RAB11FIP3: variants seen among roughly 807,000 people sequenced by gnomAD.
RAB11FIP3 encodes RAB11 family interacting protein 3, also known as rab11 family-interacting protein 3.
Under a neutral mutation model 77.8 loss-of-function variants are expected in RAB11FIP3, and 17 were observed. The ratio of observed to expected loss-of-function variants is 0.22; its 90% CI spans 0.15 to 0.33. The LOEUF (loss-of-function observed/expected upper bound fraction) is 0.33. Ranked by LOEUF, RAB11FIP3 falls within the 10% of genes least tolerant of loss-of-function variation. The pLI is 1.00. For missense variants in RAB11FIP3, 1,005 were observed against 1,011.2 expected, an observed-to-expected ratio of 0.99 and a Z score of 0.08; for synonymous variants, 437 against 448.2, an observed-to-expected ratio of 0.98 and a Z score of 0.31.
Position 426,541 on chromosome 16 carries a change from G to T in RAB11FIP3, c.535G>T (p.Gly179Trp). The T allele has an allele frequency of 1.3e-6, 2 of 1,569,292 alleles. No homozygotes were observed. The highest frequency in any genetic ancestry group is 2.4e-5 in the East Asian group (1 of 42,100). ...AGELALEQGP[G>W]SPPQPSDLSQ... is the part of the protein sequence containing the mutation. ...CGAGCTGGCGCTGGAGCAAGGTCCC[G>T]GGTCCCCGCCGCAGCCCTCGGACCT... is the stretch of plus-strand genomic sequence containing the variant. The change falls in exon 1 of 14, where the codon GGG becomes TGG. Residue 179 changes from glycine (G) to tryptophan (W), a missense_variant. By Grantham distance (184) the Gly-to-Trp change is radical. This residue lies in a region of RAB11FIP3 where 466 missense variants were observed against 408.3 expected (regional missense o/e 1.14). Transcript: ENST00000262305. This position sits in a 1 kb window ranked among gnomAD's most constrained non-coding sequence, Gnocchi z 5.0.
chr16:458,719 CATTT>C, intron 1 of RAB11FIP3, among the ~76,000 whole-genome samples: 1 of 151,208 alleles, frequency 6.6e-6, no homozygotes, highest in Non-Finnish European at 1.5e-5. Context: ...TGTCCCTGAG[CATTT>C]TCACAGTCCA....
rs566263737 is a variant in RAB11FIP3, at chr16:427,320, T to C, written c.714+600T>C. Among the ~76,000 whole-genome samples, 107 of 152,346 alleles carry C rather than the reference T, an allele frequency of 7.0e-4. 1 individual carries two copies. The highest frequency in any genetic ancestry group is 2.5e-3 in the African/African-American group (103 of 41,592). Reference sequence around the variant, plus strand: ...TTAAGAATTTTTACTTTGGTGCCTTTGGGGAGGAAGGCAATGAGCCTCGGA... The same window carrying C: ...TTAAGAATTTTTACTTTGGTGCCTTCGGGGAGGAAGGCAATGAGCCTCGGA... On this transcript the variant is annotated intron_variant, in intron 1 of 13. Transcript: ENST00000262305.
chr16:457,105 A>G (rs2055516910), intron 1 of RAB11FIP3, among the ~76,000 whole-genome samples: 1 of 152,144 alleles, frequency 6.6e-6, no homozygotes, highest in Non-Finnish European at 1.5e-5. Context: ...TTCAAGTATG[A>G]TAGTAACAAC....
chr16:500,687 CAAAAAAAAAAAAA>C (rs56771770), intron 6 of RAB11FIP3, among the ~76,000 whole-genome samples: 1 of 22,306 alleles, frequency 4.5e-5, no homozygotes, highest in Non-Finnish European at 7.2e-5. Context: ...GACTCTGTCG[CAAAAAAAAAAAAA>C]AAAAAAAAAA....
chr16:442,809 A>G (rs1474458801), intron 1 of RAB11FIP3, among the ~76,000 whole-genome samples: 2 of 152,210 alleles, frequency 1.3e-5, no homozygotes, highest in Non-Finnish European at 2.9e-5. Context: ...TGAGGGTCAC[A>G]ACAGGCTCCG....
intron 1 of RAB11FIP3, among the ~76,000 whole-genome samples, chr16:433,967 G>A (rs1230025169): frequency 6.6e-6 from 1 of 152,030 alleles, no homozygotes; most frequent in Non-Finnish European, 1.5e-5. Flanking sequence ...TGAGAACAGT[G>A]CTGCAGTAAA....
intron 6 of RAB11FIP3, 63 bp downstream of exon 6, chr16:496,922 T>A (rs1304282776): frequency 3.5e-6 from 5 of 1,446,086 alleles, no homozygotes; most frequent in Non-Finnish European, 4.8e-6. Context: ...CATAGTTTTT[T>A]AAAAAACATT....
At chr16:464,757 G>A (rs760618391) in intron 2 of RAB11FIP3, among the ~76,000 whole-genome samples, 3 of 152,190 alleles carry the variant, frequency 2.0e-5, no homozygotes, top group Non-Finnish European at 4.4e-5. Flanking sequence ...GTTGAGCATT[G>A]TGGCGTATGC....
intron 3 of RAB11FIP3, among the ~76,000 whole-genome samples, chr16:481,542 G>C (rs2056043241): frequency 1.3e-5 from 2 of 151,816 alleles, no homozygotes; most frequent in African/African-American, 4.8e-5. Flanking sequence ...CAAAAAGCAA[G>C]CTCCTCCGTC....
intron 2 of RAB11FIP3, among the ~76,000 whole-genome samples, chr16:470,805 A>G (rs893394985): frequency 6.6e-6 from 1 of 152,224 alleles, no homozygotes; most frequent in Non-Finnish European, 1.5e-5. Context: ...AAGCAAAAAA[A>G]GAAAATAAAA....
At chr16:435,183 C>T (rs1451096161) in intron 1 of RAB11FIP3, among the ~76,000 whole-genome samples, 4 of 146,160 alleles carry the variant, frequency 2.7e-5, no homozygotes, top group South Asian at 2.2e-4. Flanking sequence ...CCAGCCTGGG[C>T]GACAGAGCGA....
chr16:471,291 G>A lies in RAB11FIP3; in HGVS notation c.809-4G>A. ...CTGTTGAGCACGAGGTCTTCTCCCT[G>A]CAGATCCTGATGGCCAGTGCTACGG... On this transcript the variant is annotated splice_polypyrimidine_tract_variant and splice_region_variant and intron_variant, in intron 2 of 13. Transcript: ENST00000262305. The surrounding 1 kb of genome is among the most constrained non-coding windows in gnomAD (Gnocchi z 4.4). 1 of 1,612,876 alleles carries A rather than the reference G, an allele frequency of 6.2e-7. No individual in the cohort carries two copies. Among genetic ancestry groups the A allele is most frequent in the South Asian group, 1.1e-5 (1 of 91,016 alleles).
In RAB11FIP3 at chr16:471,443, T is replaced by G. The variant is rs2055806618; in HGVS notation, c.903+54T>G. ...GGAAGTCTGGCATCCACCTCTTCCT[T>G]TATGCCCTACAGCTCGTGCCTCCTG... is the stretch of plus-strand genomic sequence containing the variant. On this transcript the variant is annotated intron_variant, in intron 3 of 13. Transcript: ENST00000262305. This position sits in a 1 kb window ranked among gnomAD's most constrained non-coding sequence, Gnocchi z 4.4. 1.4e-6 allele frequency: 2 copies of G among 1,424,936 alleles called. No homozygotes were observed. The highest frequency in any genetic ancestry group is 2.0e-6 in the Non-Finnish European group (2 of 1,024,992). 88.3% of individuals were successfully genotyped at this position (1,424,936 alleles called of 1,614,324 possible).
At chr16:437,901 C>T (rs1194755319) in intron 1 of RAB11FIP3, among the ~76,000 whole-genome samples, 3 of 151,482 alleles carry the variant, frequency 2.0e-5, no homozygotes, top group Non-Finnish European at 2.9e-5. Flanking sequence ...CCTCTGCCTC[C>T]TGGGTTCAAG....
intron 1 of RAB11FIP3, among the ~76,000 whole-genome samples, chr16:441,016 C>T (rs1259151490): frequency 1.2e-4 from 18 of 152,128 alleles, no homozygotes; most frequent in Non-Finnish European, 1.8e-4. Flanking sequence ...TCTCGGCTCA[C>T]TGCAACCTCC....
intron 6 of RAB11FIP3, among the ~76,000 whole-genome samples, chr16:498,276 C>G (rs1017985518): frequency 2.0e-5 from 3 of 152,198 alleles, no homozygotes; most frequent in Non-Finnish European, 4.4e-5. Context: ...CAGGCTCACT[C>G]CATCCTCCCA....
In RAB11FIP3 at chr16:506,359, C is replaced by T. The variant is rs2031875432; in HGVS notation, c.1499+732C>T. On this transcript the variant is annotated intron_variant, in intron 8 of 13. Transcript: ENST00000262305. The surrounding 1 kb of genome is among the most constrained non-coding windows in gnomAD (Gnocchi z 4.5). ...ACCTGTAGCTGGGCACCGGCAGCCT[C>T]TTGTGGGCAGAGGAGGCAGCCAGGA... Among the ~76,000 whole-genome samples the T allele has an allele frequency of 6.6e-6, 1 of 152,184 alleles. No homozygotes were observed. The highest frequency in any genetic ancestry group is 2.4e-5 in the African/African-American group (1 of 41,454).
intron 1 of RAB11FIP3, among the ~76,000 whole-genome samples, chr16:433,468 C>G (rs2055073883): frequency 6.6e-6 from 1 of 151,910 alleles, no homozygotes. Context: ...TTGTCTTTCT[C>G]TGCCTGTCTT....
chr16:514,912 T>C lies in RAB11FIP3; in HGVS notation c.1641-4031T>C, dbSNP rs541953332. 2.3e-4 allele frequency among the ~76,000 whole-genome samples: 35 copies of C among 152,256 alleles called. No individual in the cohort carries two copies. Among genetic ancestry groups the C allele is most frequent in the Middle Eastern group, 6.8e-3 (2 of 294 alleles). ...GAACTGGGTGAACGTGGCCCTGGTG[T>C]GTGGTGCTTTCTAGCAGCACGTGAG... On this transcript the variant is annotated intron_variant, in intron 9 of 13. Coordinates refer to ENST00000262305, the MANE Select transcript of RAB11FIP3 (RefSeq NM_014700.4). The surrounding 1 kb of genome is among the most constrained non-coding windows in gnomAD (Gnocchi z 4.6).
Sources: allele counts gnomAD v4.1 joint callset (sites outside exome capture counted in the v4.1 genomes callset), GRCh38; gene constraint gnomAD v4.1.1; regional missense constraint gnomAD v4.1.1; non-coding constraint Gnocchi (gnomAD v3.1); transcripts MANE v1.5; gene names NCBI Gene and HGNC (gene_info 2026-07-23, HGNC 2026-07-21).